The following NHSL1 variants were observed in gnomAD, a reference collection of about 807,000 sequenced individuals.
The protein encoded by NHSL1 is NHS like 1, also known as NHS-like protein 1.
Under a neutral mutation model 95.0 loss-of-function variants are expected in NHSL1, and 48 were observed. The observed-to-expected ratio is 0.51, with a 90% CI of 0.40 to 0.64. NHSL1 has a LOEUF of 0.64. Among genes scored for constraint, NHSL1 ranks in the 30% least tolerant of loss-of-function variants. NHSL1 has a pLI of 0.00. For missense variants in NHSL1, 1,971 were observed against 2,077.7 expected, an observed-to-expected ratio of 0.95 and a Z score of 1.00; for synonymous variants, 783 against 833.9, an observed-to-expected ratio of 0.94 and a Z score of 1.05.
intron 1 of NHSL1, chr6:138,512,548 G>GAAA (rs879169351): frequency 8.4e-5 from 10 of 119,138 alleles, no homozygotes; most frequent in South Asian, 2.0e-4. Flanking sequence ...CACCAAAAAA[G>GAAA]AAAAAAAAAA....
chr6:138,630,067 T>C (rs960402529), intron 1 of NHSL1, among the ~76,000 whole-genome samples: 4 of 152,300 alleles, frequency 2.6e-5, no homozygotes, highest in Non-Finnish European at 5.9e-5. Context: ...CTTTTTAAAT[T>C]ACCCTGGCAT....
upstream of NHSL1, chr6:138,545,763 C>A (rs959971467): frequency 9.1e-6 from 11 of 1,208,724 alleles, no homozygotes; most frequent in Admixed American, 3.2e-5. Context: ...CCAGCCAGCG[C>A]CTGTTACTCC....
intron 2 of NHSL1, among the ~76,000 whole-genome samples, chr6:138,474,234 G>T (rs1009286267): frequency 6.6e-6 from 1 of 152,174 alleles, no homozygotes; most frequent in South Asian, 2.1e-4. Context: ...CCTCAAAAAA[G>T]GATTTGCCAC....
At chr6:138,480,385 G>GA (rs1406131313) in intron 2 of NHSL1, among the ~76,000 whole-genome samples, 4 of 152,236 alleles carry the variant, frequency 2.6e-5, no homozygotes, top group Middle Eastern at 3.4e-3. Flanking sequence ...TGACTGTATT[G>GA]AAAAAATCCA....
chr6:138,436,501 T>C (rs1776110986), intron 5 of NHSL1, among the ~76,000 whole-genome samples: 2 of 152,240 alleles, frequency 1.3e-5, no homozygotes, highest in Non-Finnish European at 2.9e-5. Context: ...GCAGAGGTTG[T>C]TTCATGAGGT....
chr6:138,456,152 C>T (rs1044969089), intron 3 of NHSL1, among the ~76,000 whole-genome samples: 1 of 152,176 alleles, frequency 6.6e-6, no homozygotes, highest in Non-Finnish European at 1.5e-5. Context: ...AAAGGGGGTG[C>T]AATTAATAAT....
intron 1 of NHSL1, among the ~76,000 whole-genome samples, chr6:138,525,337 G>A (rs1469111119): frequency 6.6e-6 from 1 of 151,810 alleles, no homozygotes; most frequent in African/African-American, 2.4e-5. Flanking sequence ...ACCAGCCTGT[G>A]CAACATAGCA....
chr6:138,652,395 G>A (rs1262580502), intron 1 of NHSL1, among the ~76,000 whole-genome samples: 4 of 148,794 alleles, frequency 2.7e-5, no homozygotes, highest in Admixed American at 6.7e-5. Flanking sequence ...AGCTGAGATC[G>A]CGCCATTACA....
Position 138,433,011 on chromosome 6 carries a change from T to G in NHSL1, c.1334A>C (p.His445Pro), listed in dbSNP as rs1050971272. 1.3e-6 allele frequency: 2 copies of G among 1,551,618 alleles called. No homozygotes were observed. Among genetic ancestry groups the G allele is most frequent in the Non-Finnish European group, 1.7e-6 (2 of 1,146,986 alleles). The change falls in exon 6 of 8, where the codon CAT becomes CCT. Residue 445 changes from histidine (H) to proline (P), a missense_variant. Physicochemically the swap from His to Pro is moderately conservative, Grantham distance 77. Coordinates refer to ENST00000343505, the MANE Select transcript of NHSL1 (RefSeq NM_001144060.2). ...QRESKSSGSS[H>P]ARIKSRDHLI... ...GTGGTCTCTGGATTTTATCCTTGCA[T>G]GTGATGAGCCAGAACTTTTACTTTC...
chr6:138,635,138 G>A (rs567527318), intron 1 of NHSL1, among the ~76,000 whole-genome samples: 1 of 148,162 alleles, frequency 6.7e-6, no homozygotes, highest in South Asian at 2.2e-4. Context: ...AAAAGCAAGA[G>A]CAAACCAAAC....
Position 138,659,522 on chromosome 6 carries a change from A to ATC in NHSL1, c.96+32952_96+32953dup, listed in dbSNP as rs542793495. ...GGTGGGCACCTCCTGCCAAGTTAGCATCTGGGGTTGAAAGAATGATGCTCT... is the reference window on the plus strand; with the variant it reads ...GGTGGGCACCTCCTGCCAAGTTAGCATCTCTGGGGTTGAAAGAATGATGCTCT... On this transcript the variant is annotated intron_variant, in intron 1 of 3. Coordinates refer to the NHSL1 transcript ENST00000491526. Among the ~76,000 whole-genome samples, 343 of 152,308 alleles carry ATC rather than the reference A, an allele frequency of 2.3e-3. 1 individual carries two copies. The highest frequency in any genetic ancestry group is 7.6e-3 in the African/African-American group (318 of 41,572).
At position 138,592,588 on chromosome 6, in the gene NHSL1, C is replaced by T. The variant is rs189651342; in HGVS notation, c.97-96217G>A. Among the ~76,000 whole-genome samples, 283 of 150,886 alleles carry T rather than the reference C, an allele frequency of 1.9e-3. 3 individuals are homozygous for T. The highest frequency in any genetic ancestry group is 0.014 in the East Asian group (72 of 5,122). On this transcript the variant is annotated intron_variant, in intron 1 of 3. Coordinates refer to the NHSL1 transcript ENST00000491526. ...CTGCACTCCAGCTTGGGCGACAGAGCGAGACTGTCGCACAAAAAAACAAAA... is the reference window on the plus strand; with the variant it reads ...CTGCACTCCAGCTTGGGCGACAGAGTGAGACTGTCGCACAAAAAAACAAAA...
intron 1 of NHSL1, among the ~76,000 whole-genome samples, chr6:138,656,284 A>G (rs1208328010): frequency 6.6e-6 from 1 of 152,260 alleles, no homozygotes; most frequent in Non-Finnish European, 1.5e-5. Context: ...GAAAAGCTCA[A>G]TAAAATAAGA....
intron 3 of NHSL1, among the ~76,000 whole-genome samples, chr6:138,460,220 G>T (rs1237145471): frequency 6.6e-6 from 1 of 151,994 alleles, no homozygotes; most frequent in African/African-American, 2.4e-5. Context: ...GTAAACGTTT[G>T]ATAAGATTTC....
At chr6:138,631,622 A>G (rs1456814955) in intron 1 of NHSL1, among the ~76,000 whole-genome samples, 2 of 152,090 alleles carry the variant, frequency 1.3e-5, no homozygotes, top group Non-Finnish European at 2.9e-5. Context: ...CCAGAAGGAA[A>G]CTTGTTGCCT....
intron 1 of NHSL1, among the ~76,000 whole-genome samples, chr6:138,577,975 T>A (rs781538947): frequency 1.3e-5 from 2 of 152,284 alleles, no homozygotes; most frequent in Middle Eastern, 3.4e-3. Flanking sequence ...GTGATTGTAC[T>A]CTAGAAAGAA....
At chr6:138,662,480 A>G (rs1208285402) in intron 1 of NHSL1, among the ~76,000 whole-genome samples, 1 of 152,264 alleles carries the variant, frequency 6.6e-6, no homozygotes, top group East Asian at 1.9e-4. Flanking sequence ...ATGGCAATAA[A>G]TAAAACATGA....
At chr6:138,677,622 G>A (rs73774884) in intron 1 of NHSL1, among the ~76,000 whole-genome samples, 35 of 152,268 alleles carry the variant, frequency 2.3e-4, no homozygotes, top group African/African-American at 7.0e-4. Flanking sequence ...AGAACCCTCT[G>A]GAAATTTAGT....
chr6:138,479,945 T>C (rs577026708), intron 2 of NHSL1, among the ~76,000 whole-genome samples: 96 of 152,302 alleles, frequency 6.3e-4, no homozygotes, highest in African/African-American at 2.1e-3. Context: ...AAGTATGACC[T>C]GCTTAAATGA....
Sources: allele counts gnomAD v4.1 joint callset (sites outside exome capture counted in the v4.1 genomes callset), GRCh38; gene constraint gnomAD v4.1.1; transcripts MANE v1.5; gene names NCBI Gene and HGNC (gene_info 2026-07-23, HGNC 2026-07-21).